RGSL1: variants seen among roughly 807,000 people sequenced by gnomAD.
RGSL1 encodes the protein regulator of G protein signaling protein-like.
A neutral mutation model predicts 124.7 loss-of-function variants in RGSL1; 97 were observed. The ratio of observed to expected loss-of-function variants is 0.78; its 90% CI spans 0.66 to 0.92. The LOEUF is 0.92. Among genes scored for constraint, RGSL1 ranks in the 40% least tolerant of loss-of-function variants. The probability of loss-of-function intolerance (pLI) is 0.00; values close to 1 mark genes in which losing one functional copy is unlikely to be tolerated. For missense variants in RGSL1, 1,233 were observed against 1,288.4 expected (o/e 0.96, Z 0.66); for synonymous variants, 424 against 438.1 (o/e 0.97, Z 0.40).
intron 8 of RGSL1, 82 bp downstream of exon 8, chr1:182,489,284 T>A: frequency 8.1e-7 from 1 of 1,242,074 alleles, no homozygotes; most frequent in Non-Finnish European, 1.1e-6. Flanking sequence ...AATTATTTAC[T>A]AAGCGTCAGC....
intron 4 of RGSL1, among the ~76,000 whole-genome samples, chr1:182,463,293 C>CAAA (rs1213777400): frequency 8.3e-5 from 5 of 60,494 alleles, no homozygotes; most frequent in Non-Finnish European, 1.8e-4. Context: ...GACTCCATCT[C>CAAA]AAAAAAAAAA....
chr1:182,518,352 G>A (rs1658057184), intron 9 of RGSL1, among the ~76,000 whole-genome samples: 1 of 152,160 alleles, frequency 6.6e-6, no homozygotes, highest in Non-Finnish European at 1.5e-5. Flanking sequence ...CCAAACGGAG[G>A]GGATCTCAAA....
Position 182,493,578 on chromosome 1 carries a change from A to G in RGSL1, c.1825+449A>G, listed in dbSNP as rs375571464. On this transcript the variant is annotated intron_variant, in intron 9 of 21. Coordinates refer to ENST00000294854, the MANE Select transcript of RGSL1 (RefSeq NM_001137669.2). ...ATCACAACAGGCCTCAGCAGATGCC[A>G]TAAGAAACTCTGATGCCAGGGTGGC... Among the ~76,000 whole-genome samples the G allele has an allele frequency of 1.1e-4, 16 of 152,360 alleles. No homozygotes were observed. The East Asian group carries it at 1.3e-3, about 13-fold the overall frequency.
chr1:182,458,278 A>G, intron 2 of RGSL1, 41 bp from the exon 3 acceptor site: 1 of 1,457,282 alleles, frequency 6.9e-7, no homozygotes, highest in South Asian at 1.2e-5. Context: ...ACATGAAGAG[A>G]AGCTCTACTC....
At chr1:182,470,521 C>T (rs1653746602) in intron 4 of RGSL1, among the ~76,000 whole-genome samples, 1 of 152,204 alleles carries the variant, frequency 6.6e-6, no homozygotes, top group South Asian at 2.1e-4. Flanking sequence ...GGCTCCCTCT[C>T]TCACCTCCTC....
At position 182,473,561 on chromosome 1, in the gene RGSL1, T is replaced by G. The variant is rs1231727294; in HGVS notation, c.464-14T>G. Reference sequence around the variant, plus strand: ...CCATCATTTTCACCCATGATTTCTCTGTATTATTTCCAGAGTCCCTCCTGA... The same window carrying G: ...CCATCATTTTCACCCATGATTTCTCGGTATTATTTCCAGAGTCCCTCCTGA... On this transcript the variant is annotated splice_polypyrimidine_tract_variant and intron_variant, in intron 5 of 21. Coordinates refer to ENST00000294854, the MANE Select transcript of RGSL1 (RefSeq NM_001137669.2). 2.0e-6 allele frequency: 3 copies of G among 1,505,604 alleles called. No individual in the cohort carries two copies. In the South Asian group the frequency reaches 3.9e-5, roughly 20 times the overall value. The allele number at this position is 1,505,604 out of a possible 1,614,324, so 93.3% of individuals were successfully genotyped here.
At chr1:182,460,180 G>A (rs752688545) in intron 4 of RGSL1, 47 bp downstream of exon 4, 2 of 1,510,038 alleles carry the variant, frequency 1.3e-6, no homozygotes, top group Non-Finnish European at 1.8e-6. Flanking sequence ...GTGTGTGTGT[G>A]TGTGTAGAAA....
intron 2 of RGSL1, 113 bp from the exon 3 acceptor site, chr1:182,458,206 C>T (rs1016759854): frequency 4.6e-5 from 33 of 714,014 alleles, no homozygotes; most frequent in Non-Finnish European, 4.7e-6. Context: ...ATTAGTGTCC[C>T]TTGAAATAAA....
At chr1:182,496,192 T>A (rs1655899128) in intron 9 of RGSL1, among the ~76,000 whole-genome samples, 1 of 151,186 alleles carries the variant, frequency 6.6e-6, no homozygotes, top group South Asian at 2.1e-4. Flanking sequence ...AACGGGGAGG[T>A]GCTACACACT....
At chr1:182,495,067 G>A (rs1241851523) in intron 9 of RGSL1, among the ~76,000 whole-genome samples, 1 of 152,202 alleles carries the variant, frequency 6.6e-6, no homozygotes, top group Admixed American at 6.5e-5. Context: ...GCTCTTTCCA[G>A]AATAGAAGGT....
chr1:182,462,808 A>G lies in RGSL1; in HGVS notation c.301+2675A>G, dbSNP rs142131098. Among the ~76,000 whole-genome samples, 23 of 152,330 alleles carry G rather than the reference A, an allele frequency of 1.5e-4. No individual in the cohort carries two copies. In the East Asian group the frequency reaches 1.7e-3, roughly 11 times the overall value. On this transcript the variant is annotated intron_variant, in intron 4 of 21. Coordinates refer to ENST00000294854, the MANE Select transcript of RGSL1 (RefSeq NM_001137669.2). The stretch of plus-strand genomic sequence containing the variant: ...GAGTGTTATAAACTTACAATGTTAA[A>G]TGTAATCTTCATGATAACTGCAAGG...
At chr1:182,515,348 T>C (rs515056) in intron 9 of RGSL1, among the ~76,000 whole-genome samples, 15,095 of 152,044 alleles carry the variant, frequency 0.099, 971 homozygotes, top group Non-Finnish European at 0.14. Context: ...CTGGTTTTCC[T>C]TTCTAGGGCT....
intron 15 of RGSL1, among the ~76,000 whole-genome samples, chr1:182,541,985 G>T (rs1214795967): frequency 6.6e-6 from 1 of 152,112 alleles, no homozygotes; most frequent in Non-Finnish European, 1.5e-5. Flanking sequence ...TTAATCTCTT[G>T]TCAGATGGAT....
chr1:182,455,303 G>A (rs1012600963), intron 2 of RGSL1, among the ~76,000 whole-genome samples: 2 of 152,052 alleles, frequency 1.3e-5, no homozygotes, highest in Admixed American at 6.6e-5. Context: ...AGGAGGAGGC[G>A]GGGCACGGTG....
chr1:182,527,919 G>T, intron 11 of RGSL1, 147 bp downstream of exon 11: 1 of 589,058 alleles, frequency 1.7e-6, no homozygotes. Context: ...GATTAAGAGG[G>T]TAGGCAAAAG....
In RGSL1 at chr1:182,527,642, A is replaced by G. The variant is rs754838446; in HGVS notation, c.1995A>G (p.Glu665=). 2.3e-5 allele frequency: 35 copies of G among 1,551,662 alleles called. 1 individual carries two copies. In the South Asian group the frequency reaches 3.8e-4, roughly 17 times the overall value. The change falls in exon 11 of 22, where the codon GAA becomes GAG. Residue 665 remains glutamate (E), a synonymous_variant. Transcript: ENST00000294854. ...HLEFFREFLK[E]RKAKIPLQFL... ...AGTTCTTCAGGGAGTTCCTCAAGGA[A>G]CGGAAGGCTAAAATCCCATTGCAAT...
chr1:182,552,737 A>G (rs904182191), intron 18 of RGSL1, among the ~76,000 whole-genome samples: 2 of 152,202 alleles, frequency 1.3e-5, no homozygotes, highest in African/African-American at 4.8e-5. Flanking sequence ...TGACACTAAC[A>G]TCTGGCAAAG....
At chr1:182,501,245 G>A (rs485461) in intron 9 of RGSL1, among the ~76,000 whole-genome samples, 37 of 149,266 alleles carry the variant, frequency 2.5e-4, no homozygotes, top group African/African-American at 8.9e-4. Flanking sequence ...GATGATTTTC[G>A]TCCTTCCTTT....
chr1:182,504,349 C>T (rs1656644182), intron 9 of RGSL1, among the ~76,000 whole-genome samples: 1 of 151,948 alleles, frequency 6.6e-6, no homozygotes, highest in Non-Finnish European at 1.5e-5. Context: ...ACTTTCTTTG[C>T]TCATGGTTTC....
Sources: allele counts gnomAD v4.1 joint callset (sites outside exome capture counted in the v4.1 genomes callset), GRCh38; gene constraint gnomAD v4.1.1; transcripts MANE v1.5; gene names NCBI Gene and HGNC (gene_info 2026-07-23, HGNC 2026-07-21).